Variants in MBNL1 observed in about 807,000 individuals in gnomAD.
MBNL1 encodes muscleblind-like protein 1.
Under a neutral mutation model 42.2 loss-of-function variants are expected in MBNL1, and 8 were observed. The observed-to-expected ratio is 0.19, with a 90% CI of 0.11 to 0.34. The LOEUF (loss-of-function observed/expected upper bound fraction) is 0.34. Among genes scored for constraint, MBNL1 ranks in the 10% least tolerant of loss-of-function variants. The pLI, the probability that MBNL1 is intolerant of heterozygous loss-of-function variation, is 1.00. For synonymous variants in MBNL1, 169 were observed against 173.9 expected (o/e 0.97, Z 0.22); for missense variants, 309 against 495.3 (o/e 0.62, Z 3.57).
intron 3 of MBNL1, among the ~76,000 whole-genome samples, chr3:152,427,670 C>T (rs752708219): frequency 6.6e-5 from 10 of 151,452 alleles, no homozygotes; most frequent in Non-Finnish European, 1.2e-4. Context: ...GTTATGCCTA[C>T]CCAGAAACAT....
intron 1 of MBNL1, among the ~76,000 whole-genome samples, chr3:152,292,293 TTC>T (rs2056414586): frequency 6.6e-6 from 1 of 152,256 alleles, no homozygotes; most frequent in African/African-American, 2.4e-5. Flanking sequence ...AAGCTTTATG[TTC>T]TGTTTTGTCC....
intron 3 of MBNL1, among the ~76,000 whole-genome samples, chr3:152,416,236 A>G (rs964413789): frequency 2.0e-5 from 3 of 152,214 alleles, no homozygotes; most frequent in Non-Finnish European, 4.4e-5. Context: ...TCCACATTAC[A>G]TGGGCAGTGA....
intron 2 of MBNL1, among the ~76,000 whole-genome samples, chr3:152,389,639 C>T (rs1265239041): frequency 6.6e-6 from 1 of 151,976 alleles, no homozygotes; most frequent in Non-Finnish European, 1.5e-5. Context: ...ATAGAAAAGG[C>T]ACAGTAAACA....
chr3:152,326,103 A>T (rs1460546915), intron 2 of MBNL1, among the ~76,000 whole-genome samples: 1 of 152,126 alleles, frequency 6.6e-6, no homozygotes. Context: ...CTCCATTTCC[A>T]AATCTATGAA....
chr3:152,393,042 C>T, intron 2 of MBNL1, among the ~76,000 whole-genome samples: 1 of 152,050 alleles, frequency 6.6e-6, no homozygotes, highest in East Asian at 1.9e-4. Flanking sequence ...TAAAAGAAGC[C>T]CAGAATCTCT....
chr3:152,257,802 A>T (rs1054158433), intron 2 of MBNL1, among the ~76,000 whole-genome samples: 1 of 152,212 alleles, frequency 6.6e-6, no homozygotes, highest in Non-Finnish European at 1.5e-5. Flanking sequence ...GGAGTAAAAA[A>T]AAATTTTTGA....
intron 4 of MBNL1, among the ~76,000 whole-genome samples, chr3:152,437,480 C>T (rs940260165): frequency 6.6e-6 from 1 of 152,122 alleles, no homozygotes; most frequent in African/African-American, 2.4e-5. Context: ...CTCTTATTCT[C>T]TGGGCTTCAT....
chr3:152,270,246 A>G (rs1262951817), intron 1 of MBNL1, among the ~76,000 whole-genome samples: 1 of 152,176 alleles, frequency 6.6e-6, no homozygotes, highest in Admixed American at 6.5e-5. Flanking sequence ...GGCACAAGTC[A>G]TAGCAGATGG....
chr3:152,338,207 T>C (rs2091781332), intron 2 of MBNL1: 2 of 985,454 alleles, frequency 2.0e-6, no homozygotes, highest in South Asian at 4.7e-5. Flanking sequence ...GTTGCATTTC[T>C]CCATTGCTTC....
rs533357583 is a variant in MBNL1 at position 152,387,708 on chromosome 3, C to T, written c.175-27233C>T. Among the ~76,000 whole-genome samples the T allele has an allele frequency of 2.6e-5, 4 of 152,156 alleles. No individual in the cohort carries two copies. The South Asian group carries it at 8.3e-4, about 32-fold the overall frequency. On this transcript the variant is annotated intron_variant, in intron 2 of 9. Transcript: ENST00000324210. ...GTTCAACCTCACCTAGGTAAAGTGC[C>T]ATTGTATCTTTCTAATCCATATGTT...
chr3:152,271,865 G>T (rs1447080320), intron 1 of MBNL1, among the ~76,000 whole-genome samples: 1 of 152,134 alleles, frequency 6.6e-6, no homozygotes. Flanking sequence ...CACTTGAAAT[G>T]TGTCTTGTCC....
In MBNL1 at chr3:152,445,520, C is replaced by T; in HGVS notation, c.788C>T (p.Ala263Val). The T allele has an allele frequency of 1.2e-6, 2 of 1,612,274 alleles. No homozygotes were observed. The highest frequency in any genetic ancestry group is 1.7e-6 in the Non-Finnish European group (2 of 1,179,242). Residue 263 changes from alanine to valine, a missense_variant, in exon 5 of 10, where the codon GCA (alanine) becomes GTA (valine). Physicochemically the swap from Ala to Val is moderately conservative, Grantham distance 64. Coordinates refer to ENST00000324210, the MANE Select transcript of MBNL1 (RefSeq NM_021038.5). ...QVNQAAAAQAAATAAAMGIPQ... is the reference protein window; with the variant it reads ...QVNQAAAAQAVATAAAMGIPQ... The stretch of plus-strand genomic sequence containing the variant: ...AACCAGGCTGCAGCTGCACAGGCTG[C>T]AGCCACCGCAGCTGCCATGGTGAGT...
chr3:152,346,014 G>A (rs941700672), intron 2 of MBNL1, among the ~76,000 whole-genome samples: 6 of 152,012 alleles, frequency 3.9e-5, no homozygotes, highest in African/African-American at 1.4e-4. Context: ...TGGTTATTTA[G>A]CTTCCTATTT....
At chr3:152,449,171 G>C (rs995033032) in intron 6 of MBNL1, 5 of 152,154 alleles carry the variant, frequency 3.3e-5, no homozygotes, top group African/African-American at 1.2e-4. Flanking sequence ...AAAGTTTCAA[G>C]GGATTATATG....
At chr3:152,310,771 A>G (rs1454907989) in intron 2 of MBNL1, among the ~76,000 whole-genome samples, 1 of 152,130 alleles carries the variant, frequency 6.6e-6, no homozygotes, top group Non-Finnish European at 1.5e-5. Context: ...ATTTTAAGTC[A>G]TGCCGCAGAC....
At chr3:152,293,538 T>C (rs1046948484) in intron 1 of MBNL1, among the ~76,000 whole-genome samples, 4 of 152,106 alleles carry the variant, frequency 2.6e-5, no homozygotes, top group African/African-American at 9.7e-5. Context: ...GGGGAAGAAG[T>C]TGTGGTTTTG....
At chr3:152,426,017 A>G (rs919374964) in intron 3 of MBNL1, among the ~76,000 whole-genome samples, 4 of 152,230 alleles carry the variant, frequency 2.6e-5, no homozygotes, top group Non-Finnish European at 5.9e-5. Flanking sequence ...CTATACAGCC[A>G]TAGGAAAGAA....
intron 2 of MBNL1, among the ~76,000 whole-genome samples, chr3:152,407,681 T>C (rs1356962533): frequency 6.6e-6 from 1 of 152,146 alleles, no homozygotes; most frequent in Non-Finnish European, 1.5e-5. Flanking sequence ...ATTTAAACAT[T>C]AATAGAAAAA....
At chr3:152,431,631 A>C (rs1163834340) in intron 3 of MBNL1, among the ~76,000 whole-genome samples, 2 of 152,180 alleles carry the variant, frequency 1.3e-5, no homozygotes, top group East Asian at 3.8e-4. Flanking sequence ...CTGCTGAGTA[A>C]AGAAAATAAA....
Sources: allele counts gnomAD v4.1 joint callset (sites outside exome capture counted in the v4.1 genomes callset), GRCh38; gene constraint gnomAD v4.1.1; transcripts MANE v1.5; gene names NCBI Gene and HGNC (gene_info 2026-07-23, HGNC 2026-07-21).